GABRA4: variants seen among roughly 807,000 people sequenced by gnomAD.
GABRA4 encodes the protein gamma-aminobutyric acid receptor subunit alpha-4.
GABRA4 carries 12 observed loss-of-function variants against 49.7 expected under a neutral mutation model. The ratio of observed to expected loss-of-function variants is 0.24; its 90% CI spans 0.15 to 0.39. GABRA4 has a LOEUF of 0.39. GABRA4 is among the 10% of genes least tolerant of loss of function. The probability of loss-of-function intolerance (pLI) is 1.00; values close to 1 mark genes in which losing one functional copy is unlikely to be tolerated. For missense variants in GABRA4, 506 were observed against 686.0 expected (o/e 0.74, Z 2.93); for synonymous variants, 288 against 240.2 (o/e 1.20, Z -1.84).
At chr4:46,936,588 T>C (rs1051793736) in intron 8 of GABRA4, among the ~76,000 whole-genome samples, 2 of 152,088 alleles carry the variant, frequency 1.3e-5, no homozygotes, top group African/African-American at 2.4e-5. Context: ...CAACTATCAG[T>C]AAAATCCAGA....
chr4:46,989,697 C>CTTTTAGCT (rs759782959), intron 2 of GABRA4, among the ~76,000 whole-genome samples: 9 of 152,198 alleles, frequency 5.9e-5, no homozygotes, highest in Non-Finnish European at 8.8e-5. Flanking sequence ...CAATTCAAAT[C>CTTTTAGCT]TTTGCTTTTA....
chr4:46,959,672 A>G (rs1209144190), intron 8 of GABRA4, among the ~76,000 whole-genome samples: 1 of 149,382 alleles, frequency 6.7e-6, no homozygotes, highest in Non-Finnish European at 1.5e-5. Flanking sequence ...GAAATTCAGC[A>G]GAATGGTTTT....
intron 7 of GABRA4, among the ~76,000 whole-genome samples, chr4:46,970,220 A>ATAT (rs1318792806): frequency 6.6e-6 from 1 of 151,394 alleles, no homozygotes; most frequent in Admixed American, 6.6e-5. Flanking sequence ...GTGATAAAGG[A>ATAT]TATTATACCA....
In GABRA4 at chr4:46,977,477, G is replaced by A; in HGVS notation, c.427C>T (p.His143Tyr). Residue 143 changes from histidine to tyrosine, a missense_variant, in exon 4 of 9, where the codon CAT becomes TAT. His to Tyr is a moderately conservative substitution (Grantham distance 83, BLOSUM62 2). Transcript: ENST00000264318. Reference protein sequence around the residue: ...FFRNGKKSVSHNMTAPNKLFR... With the variant: ...FFRNGKKSVSYNMTAPNKLFR... ...AGCTTATTTGGAGCTGTCATATTAT[G>A]TGAGACAGATTTCTTTCCATTCCTG... is the stretch of plus-strand genomic sequence containing the variant. 6.2e-7 allele frequency: 1 copy of A among 1,611,054 alleles called. No homozygotes were observed. The highest frequency in any genetic ancestry group is 8.5e-7 in the Non-Finnish European group (1 of 1,177,760).
At chr4:46,964,585 CACAA>C (rs1445274011) in intron 8 of GABRA4, among the ~76,000 whole-genome samples, 1 of 151,650 alleles carries the variant, frequency 6.6e-6, no homozygotes, top group Middle Eastern at 3.2e-3. Flanking sequence ...TTTTTAAAGA[CACAA>C]ACAAAAACTA....
At chr4:46,935,208 G>A (rs1039988966) in intron 8 of GABRA4, among the ~76,000 whole-genome samples, 4 of 152,108 alleles carry the variant, frequency 2.6e-5, no homozygotes, top group South Asian at 2.1e-4. Flanking sequence ...AAAATTGTGG[G>A]CTCCCAAATA....
intron 8 of GABRA4, among the ~76,000 whole-genome samples, chr4:46,950,325 G>A (rs935042748): frequency 6.6e-6 from 1 of 152,020 alleles, no homozygotes; most frequent in Admixed American, 6.6e-5. Flanking sequence ...CGGCTCCAAG[G>A]TTTTGATACT....
At chr4:46,941,675 A>T (rs1721802587) in intron 8 of GABRA4, among the ~76,000 whole-genome samples, 1 of 152,100 alleles carries the variant, frequency 6.6e-6, no homozygotes, top group East Asian at 1.9e-4. Flanking sequence ...CACTTCGGTA[A>T]ATGTTGGAAA....
chr4:46,955,285 G>C (rs189512216), intron 8 of GABRA4, among the ~76,000 whole-genome samples: 56 of 152,048 alleles, frequency 3.7e-4, no homozygotes, highest in African/African-American at 1.2e-3. Context: ...CCTTCTTAAT[G>C]CAACACTAAA....
intron 8 of GABRA4, among the ~76,000 whole-genome samples, chr4:46,947,552 G>A (rs1047307297): frequency 1.2e-4 from 18 of 151,352 alleles, no homozygotes; most frequent in African/African-American, 4.4e-4. Flanking sequence ...GGAGAAAGAA[G>A]GATAGAAAGA....
chr4:46,951,077 GT>G (rs1375966740), intron 8 of GABRA4, among the ~76,000 whole-genome samples: 1 of 151,982 alleles, frequency 6.6e-6, no homozygotes, highest in Admixed American at 6.6e-5. Context: ...GGAAAAGCCA[GT>G]GGAATACAGG....
chr4:46,963,343 T>C (rs1300822097), intron 8 of GABRA4, among the ~76,000 whole-genome samples: 1 of 151,784 alleles, frequency 6.6e-6, no homozygotes, highest in Non-Finnish European at 1.5e-5. Flanking sequence ...TTGAATTTTA[T>C]CCCCCAGAAT....
At position 46,969,171 on chromosome 4, in the gene GABRA4, A is replaced by G. The variant is rs562905361; in HGVS notation, c.874+1912T>C. On this transcript the variant is annotated intron_variant, in intron 7 of 8. Coordinates refer to ENST00000264318, the MANE Select transcript of GABRA4 (RefSeq NM_000809.4). Reference sequence around the variant, plus strand: ...TAGAAGGTAGGCTTTCTGCCTCCACATTCTGCACTTATGACACTATCACCT... The same window carrying G: ...TAGAAGGTAGGCTTTCTGCCTCCACGTTCTGCACTTATGACACTATCACCT... 4.1e-4 allele frequency among the ~76,000 whole-genome samples: 62 copies of G among 151,648 alleles called. 1 individual carries two copies. The South Asian group carries it at 0.012, about 30-fold the overall frequency.
intron 2 of GABRA4, among the ~76,000 whole-genome samples, chr4:46,990,933 C>A (rs1000610034): frequency 6.6e-6 from 1 of 152,224 alleles, no homozygotes; most frequent in Non-Finnish European, 1.5e-5. Context: ...AATCCCAGCA[C>A]TTTGGGAGGC....
chr4:46,954,377 G>A (rs1722271170), intron 8 of GABRA4, among the ~76,000 whole-genome samples: 1 of 148,422 alleles, frequency 6.7e-6, no homozygotes. Flanking sequence ...GCCAAATGGT[G>A]AAACCCTGTC....
rs1722699465 is a variant in GABRA4 at position 46,964,945 on chromosome 4, A to G, written c.1134+25T>C. Reference sequence around the variant, plus strand: ...TTTGACCAAGAAGCTAAAATCTTAAACTGAAGGTGGATTAAGTCAAATACC... The same window carrying G: ...TTTGACCAAGAAGCTAAAATCTTAAGCTGAAGGTGGATTAAGTCAAATACC... On this transcript the variant is annotated intron_variant, in intron 8 of 8. Transcript: ENST00000264318. The G allele has an allele frequency of 5.2e-6, 8 of 1,541,408 alleles. No individual in the cohort carries two copies. The Admixed American group carries it at 1.0e-4, about 20-fold the overall frequency.
At chr4:46,955,516 G>T (rs1722307769) in intron 8 of GABRA4, among the ~76,000 whole-genome samples, 1 of 151,966 alleles carries the variant, frequency 6.6e-6, no homozygotes, top group South Asian at 2.1e-4. Context: ...GTAATTTGAA[G>T]CTCAACTCTG....
chr4:46,976,251 A>G (rs1386018410), intron 5 of GABRA4, among the ~76,000 whole-genome samples: 1 of 147,208 alleles, frequency 6.8e-6, no homozygotes, highest in Non-Finnish European at 1.5e-5. Context: ...TTTCCTCTCT[A>G]GTACCATCCT....
intron 6 of GABRA4, among the ~76,000 whole-genome samples, chr4:46,973,704 GAA>G (rs1221962865): frequency 6.6e-6 from 1 of 151,662 alleles, no homozygotes; most frequent in Non-Finnish European, 1.5e-5. Flanking sequence ...CATTCCAAAA[GAA>G]AAGAGAGACC....
Sources: gnomAD v4.1 joint callset for allele counts (sites outside exome capture counted in the v4.1 genomes callset) on GRCh38, gnomAD v4.1.1 for gene constraint, MANE v1.5 for transcripts, NCBI Gene and HGNC (gene_info 2026-07-23, HGNC 2026-07-21) for gene names.